ESS2: variants seen among roughly 807,000 people sequenced by gnomAD.
ESS2 encodes the protein ess-2 spliceosome associated protein.
ESS2 carries 31 observed loss-of-function variants against 52.0 expected under a neutral mutation model. That is an observed-to-expected ratio of 0.60 (90% confidence interval 0.45 to 0.81). ESS2 has a LOEUF of 0.81. Among genes scored for constraint, ESS2 ranks in the 30% least tolerant of loss-of-function variants. The pLI, the probability that ESS2 is intolerant of heterozygous loss-of-function variation, is 0.00. For missense variants in ESS2, 602 were observed against 637.2 expected (o/e 0.94, Z 0.59); for synonymous variants, 285 against 259.2 (o/e 1.10, Z -0.95).
intron 1 of ESS2, chr22:19,143,997 C>A (rs1208771956): frequency 6.1e-6 from 6 of 982,310 alleles, no homozygotes; most frequent in Non-Finnish European, 7.3e-6. Context: ...TCCGTTAAAG[C>A]CATCCATCTA....
At position 19,139,642 on chromosome 22, in the gene ESS2, C is replaced by T. The variant is rs1233141080; in HGVS notation, c.658G>A (p.Ala220Thr). The T allele has an allele frequency of 3.7e-6, 6 of 1,614,066 alleles. No homozygotes were observed. Among genetic ancestry groups the T allele is most frequent in the Non-Finnish European group, 5.1e-6 (6 of 1,180,036 alleles). ...QASVETWKYK[A>T]KNSLMYYPEG... Reference sequence around the variant, plus strand: ...GGATAGTACATGAGGGAATTCTTGGCCTTGTACTTCCAGGTCTCCACACTG... The same window carrying T: ...GGATAGTACATGAGGGAATTCTTGGTCTTGTACTTCCAGGTCTCCACACTG... Residue 220 changes from alanine (A) to threonine (T), a missense_variant, in exon 5 of 10, where the codon GCC (alanine) becomes ACC (threonine). Transcript: ENST00000252137.
At chr22:19,134,555 G>A in intron 9 of ESS2, 80 bp from the exon 10 acceptor site, 1 of 1,394,072 alleles carries the variant, frequency 7.2e-7, no homozygotes, top group Non-Finnish European at 9.5e-7. Context: ...TTGGCTCCCA[G>A]GAAGAGCCTG....
At chr22:19,142,668 G>C (rs758902573) in intron 2 of ESS2, 35 bp from the exon 3 acceptor site, 5 of 1,609,846 alleles carry the variant, frequency 3.1e-6, no homozygotes, top group Non-Finnish European at 4.2e-6. Context: ...ATTAGAGTGA[G>C]CCTGAAGCGA....
chr22:19,131,502 A>C lies in ESS2; in HGVS notation c.*2694T>G. The stretch of plus-strand genomic sequence containing the variant: ...CAAATCTGCCTACTCTGAGCGCCTC[A>C]AGTTCAATGTGGCTGTCAAGATCAT... On this transcript the variant is annotated 3_prime_UTR_variant, in exon 10 of 10. Coordinates refer to ENST00000252137, the MANE Select transcript of ESS2 (RefSeq NM_022719.3). The surrounding 1 kb of genome is among the most constrained non-coding windows in gnomAD (Gnocchi z 5.7). 1 of 1,614,126 alleles carries C rather than the reference A, an allele frequency of 6.2e-7. No individual in the cohort carries two copies. Among genetic ancestry groups the C allele is most frequent in the Non-Finnish European group, 8.5e-7 (1 of 1,180,020 alleles).
In ESS2 at chr22:19,138,295, G is replaced by A; in HGVS notation, c.845C>T (p.Pro282Leu). The A allele has an allele frequency of 1.9e-6, 3 of 1,613,888 alleles. No individual in the cohort carries two copies. The highest frequency in any genetic ancestry group is 2.5e-6 in the Non-Finnish European group (3 of 1,179,910). The change falls in exon 7 of 10, where the codon CCC (proline) becomes CTC (leucine). Residue 282 changes from proline to leucine, a missense_variant. Coordinates refer to ENST00000252137, the MANE Select transcript of ESS2 (RefSeq NM_022719.3). ...NAQHKQGKVG[P>L]DGKELIPQES... ...CTGGGGGATCAGCTCCTTGCCATCG[G>A]GGCCCACCTTGCCCTGTTTGTGCTG...
intron 3 of ESS2, among the ~76,000 whole-genome samples, chr22:19,142,094 A>G (rs1423912282): frequency 6.6e-6 from 1 of 152,272 alleles, no homozygotes; most frequent in Non-Finnish European, 1.5e-5. Flanking sequence ...GTGACTTCAC[A>G]CTGGCAGGTC....
intron 8 of ESS2, among the ~76,000 whole-genome samples, chr22:19,136,772 G>A (rs1349808575): frequency 6.6e-6 from 1 of 152,094 alleles, no homozygotes; most frequent in Non-Finnish European, 1.5e-5. Flanking sequence ...CTCTCCCCAT[G>A]TTTTGTCTGG....
intron 3 of ESS2, among the ~76,000 whole-genome samples, chr22:19,141,558 G>A (rs1342931208): frequency 6.6e-6 from 1 of 152,192 alleles, no homozygotes; most frequent in African/African-American, 2.4e-5. Context: ...TGTTCCATGT[G>A]TATCTGTGCA....
chr22:19,144,325 C>G (rs911542265), intron 1 of ESS2, 181 bp downstream of exon 1: 40 of 1,404,752 alleles, frequency 2.8e-5, no homozygotes, highest in Non-Finnish European at 3.5e-5. Context: ...AACACTACTA[C>G]AGCCTCTTCC....
At chr22:19,138,377 G>A (rs767874956) in intron 6 of ESS2, 60 bp from the exon 7 acceptor site, 43 of 1,493,022 alleles carry the variant, frequency 2.9e-5, no homozygotes, top group African/African-American at 1.8e-4. Flanking sequence ...ACAGCTGGCC[G>A]GTGGGCAAAC....
chr22:19,141,902 A>G (rs953819486), intron 3 of ESS2, among the ~76,000 whole-genome samples: 1 of 152,170 alleles, frequency 6.6e-6, no homozygotes, highest in African/African-American at 2.4e-5. Context: ...GGCAGGGAGA[A>G]TTGCTTGAAC....
rs981844711 is a variant in ESS2 at position 19,139,366 on chromosome 22, C to T, written c.689-74G>A. 8 of 1,495,750 alleles carry T rather than the reference C, an allele frequency of 5.3e-6. No individual in the cohort carries two copies. The Admixed American group carries it at 1.3e-4, about 25-fold the overall frequency. 92.7% of individuals were successfully genotyped at this position (1,495,750 alleles called of 1,614,324 possible). ...TAAGGAGCATGAGGAGCTCGCTTCTCGGCCAAGTCACTCCCAGATGAACAA... is the reference window on the plus strand; with the variant it reads ...TAAGGAGCATGAGGAGCTCGCTTCTTGGCCAAGTCACTCCCAGATGAACAA... On this transcript the variant is annotated intron_variant, in intron 5 of 9. Coordinates refer to ENST00000252137, the MANE Select transcript of ESS2 (RefSeq NM_022719.3).
In ESS2 at chr22:19,142,706, C is replaced by T. The variant is rs770994954; in HGVS notation, c.304+20G>A. The T allele has an allele frequency of 2.5e-6, 4 of 1,611,008 alleles. No homozygotes were observed. The highest frequency in any genetic ancestry group is 2.5e-6 in the Non-Finnish European group (3 of 1,178,358). ...GTTCAGCAGGCTTTCCCCTCTCCGC[C>T]ACCCACAGGGTCCTCATACAGGGTG... On this transcript the variant is annotated intron_variant, in intron 2 of 9. Coordinates refer to ENST00000252137, the MANE Select transcript of ESS2 (RefSeq NM_022719.3).
chr22:19,143,217 A>AAG (rs910537036), intron 1 of ESS2, among the ~76,000 whole-genome samples: 11 of 150,976 alleles, frequency 7.3e-5, no homozygotes, highest in African/African-American at 2.7e-4. Context: ...AAAAAAAAAA[A>AAG]AAAGAAAAAA....
intron 5 of ESS2, 131 bp from the exon 6 acceptor site, chr22:19,139,423 G>T: frequency 7.3e-7 from 1 of 1,366,388 alleles, no homozygotes; most frequent in East Asian, 2.3e-5. Flanking sequence ...CCCCAGTGCC[G>T]CTGGAGAGGG....
In ESS2 at chr22:19,137,344, C is replaced by T; in HGVS notation, c.1014G>A (p.Arg338=). The T allele has an allele frequency of 6.2e-7, 1 of 1,613,652 alleles. No individual in the cohort carries two copies. Among genetic ancestry groups the T allele is most frequent in the Non-Finnish European group, 8.5e-7 (1 of 1,179,722 alleles). The change falls in exon 8 of 10, where the codon AGG becomes AGA. Residue 338 remains arginine (R), a synonymous_variant. Transcript: ENST00000252137. ...VEGSETPYVD[R]TPGPAFKILE... is the part of the protein sequence containing the mutation. ...CCACCTTAAAAGCTGGGCCGGGTGTCCTGTCCACGTAGGGCGTTTCCGACC... is the reference window on the plus strand; with the variant it reads ...CCACCTTAAAAGCTGGGCCGGGTGTTCTGTCCACGTAGGGCGTTTCCGACC...
chr22:19,139,705 G>T lies in ESS2; in HGVS notation c.595C>A (p.Pro199Thr). Residue 199 changes from proline (P) to threonine (T), a missense_variant, in exon 5 of 10, where the codon CCG becomes ACG. Transcript: ENST00000252137. ...TCGATGGCCTGGTGCTCTGCTGACG[G>T]GAGTTCGAGATTATCTTTCTGCCTC... ...EKRQKDNLEL[P>T]SAEHQAIESS... The T allele has an allele frequency of 6.2e-7, 1 of 1,614,176 alleles. No individual in the cohort carries two copies.
intron 6 of ESS2, 58 bp downstream of exon 6, chr22:19,139,101 G>A: frequency 6.5e-7 from 1 of 1,536,026 alleles, no homozygotes; most frequent in Non-Finnish European, 8.7e-7. Context: ...GATCATGCCT[G>A]CCCCCAGGCA....
Position 19,130,467 on chromosome 22 carries a change from C to A in ESS2, c.*3729G>T. 3.4e-6 allele frequency: 1 copy of A among 296,218 alleles called. No individual in the cohort carries two copies. Among genetic ancestry groups the A allele is most frequent in the South Asian group, 3.2e-5 (1 of 30,880 alleles). The allele number at this position is 296,218 out of a possible 1,614,324, so 18.3% of individuals were successfully genotyped here. A position where few individuals can be genotyped will look rare whatever the true frequency, so the allele number is the denominator to read the frequency against. ...TTTGTTCCAAGGAGAAGGTCAGAGGCAAAAAAAATGCTTGCTAAGTCCGAT... is the reference window on the plus strand; with the variant it reads ...TTTGTTCCAAGGAGAAGGTCAGAGGAAAAAAAAATGCTTGCTAAGTCCGAT... On this transcript the variant is annotated 3_prime_UTR_variant, in exon 10 of 10. Coordinates refer to ENST00000252137, the MANE Select transcript of ESS2 (RefSeq NM_022719.3).
Sources: gnomAD v4.1 joint callset for allele counts (sites outside exome capture counted in the v4.1 genomes callset) on GRCh38, gnomAD v4.1.1 for gene constraint, Gnocchi (gnomAD v3.1) non-coding constraint, MANE v1.5 for transcripts, NCBI Gene and HGNC (gene_info 2026-07-23, HGNC 2026-07-21) for gene names.